The following SLC2A9 variants were observed in gnomAD, a reference collection of about 807,000 sequenced individuals.
SLC2A9 encodes solute carrier family 2, facilitated glucose transporter member 9.
In SLC2A9, 39 loss-of-function variants were observed where a neutral mutation model predicts 50.6. That is an observed-to-expected ratio of 0.77 (90% CI 0.60 to 1.01). The LOEUF (loss-of-function observed/expected upper bound fraction) is 1.01, where lower values mean the gene tolerates loss of function less well. SLC2A9 is among the 50% of genes least tolerant of loss of function. SLC2A9 has a pLI of 0.00. For synonymous variants in SLC2A9, 324 were observed against 276.9 expected, an observed-to-expected ratio of 1.17 and a Z score of -1.69; for missense variants, 686 against 677.6, an observed-to-expected ratio of 1.01 and a Z score of -0.14.
At chr4:9,822,258 T>C (rs148539010), downstream of SLC2A9, among the ~76,000 whole-genome samples, 2 of 152,222 alleles carry the variant, frequency 1.3e-5, no homozygotes, top group Non-Finnish European at 2.9e-5. Context: ...TCTTATCTTG[T>C]CCTGTTTTTG....
At chr4:9,933,349 G>T (rs1040455162) in intron 6 of SLC2A9, among the ~76,000 whole-genome samples, 1 of 152,198 alleles carries the variant, frequency 6.6e-6, no homozygotes, top group Non-Finnish European at 1.5e-5. Context: ...GCTGAGCTGG[G>T]ACTGAGCCCT....
intron 11 of SLC2A9, among the ~76,000 whole-genome samples, chr4:9,830,444 G>C (rs1310043175): frequency 1.3e-5 from 2 of 152,202 alleles, no homozygotes; most frequent in African/African-American, 4.8e-5. Flanking sequence ...TGGTTGATCT[G>C]TGTAGCAAAC....
intron 10 of SLC2A9, among the ~76,000 whole-genome samples, chr4:9,877,837 A>C (rs1212934299): frequency 2.0e-5 from 3 of 152,198 alleles, no homozygotes; most frequent in African/African-American, 7.2e-5. Context: ...TGCTGGACAC[A>C]GCCTTTACCC....
chr4:9,979,022 A>T (rs1755265826), intron 5 of SLC2A9, among the ~76,000 whole-genome samples: 1 of 152,234 alleles, frequency 6.6e-6, no homozygotes. Flanking sequence ...GAGGCTCAGT[A>T]GCTGGGACAG....
At chr4:9,927,744 A>G (rs892805672) in intron 6 of SLC2A9, among the ~76,000 whole-genome samples, 1 of 152,136 alleles carries the variant, frequency 6.6e-6, no homozygotes, top group African/African-American at 2.4e-5. Context: ...TGGAGCTCCT[A>G]TTTATAGCTT....
At chr4:10,000,273 T>C (rs1759545440) in intron 2 of SLC2A9, among the ~76,000 whole-genome samples, 1 of 152,154 alleles carries the variant, frequency 6.6e-6, no homozygotes. Flanking sequence ...ATGTGCTGAG[T>C]ACTGGGCCCT....
intron 5 of SLC2A9, among the ~76,000 whole-genome samples, chr4:9,949,185 T>C (rs1749748630): frequency 6.6e-6 from 1 of 152,156 alleles, no homozygotes. Flanking sequence ...TGTGTTTCCC[T>C]ATAGACGGAG....
chr4:9,944,779 G>A (rs1342307871), intron 5 of SLC2A9, among the ~76,000 whole-genome samples: 1 of 152,200 alleles, frequency 6.6e-6, no homozygotes, highest in Non-Finnish European at 1.5e-5. Context: ...ATTTCCTGGA[G>A]ATATTAGCTG....
At chr4:9,932,128 A>ACT (rs931520751) in intron 6 of SLC2A9, among the ~76,000 whole-genome samples, 22 of 147,780 alleles carry the variant, frequency 1.5e-4, no homozygotes, top group Non-Finnish European at 2.5e-4. Flanking sequence ...TAAAAATGGC[A>ACT]CTCTCTCTCT....
intron 3 of SLC2A9, among the ~76,000 whole-genome samples, chr4:9,793,801 G>A (rs530652659): frequency 6.6e-6 from 1 of 152,194 alleles, no homozygotes; most frequent in African/African-American, 2.4e-5. Context: ...AAATTCAAAG[G>A]TGCCAGGCCT....
In SLC2A9 at chr4:9,960,343, A is replaced by T. The variant is rs1752068510; in HGVS notation, c.682-18298T>A. Among the ~76,000 whole-genome samples, 3 of 152,360 alleles carry T rather than the reference A, an allele frequency of 2.0e-5. No homozygotes were observed. The South Asian group carries it at 6.2e-4, about 32-fold the overall frequency. On this transcript the variant is annotated intron_variant, in intron 5 of 11. Transcript: ENST00000264784. ...AGCCCCAGGTATCACCCTCTATACA[A>T]GTAAGTTAATACAAAATGCTGCCTA...
At chr4:9,932,761 T>C (rs1469204324) in intron 6 of SLC2A9, among the ~76,000 whole-genome samples, 1 of 152,232 alleles carries the variant, frequency 6.6e-6, no homozygotes, top group Non-Finnish European at 1.5e-5. Flanking sequence ...ACCACCCTTT[T>C]AGAACTCTTC....
chr4:10,026,978 A>C (rs10002608), intron 1 of SLC2A9, among the ~76,000 whole-genome samples: 21,660 of 151,918 alleles, frequency 0.14, 2,723 homozygotes, highest in African/African-American at 0.34. Flanking sequence ...CAGGAGGCAG[A>C]GGTTGCAGTG....
At chr4:10,026,991 C>G (rs1763775718) in intron 1 of SLC2A9, among the ~76,000 whole-genome samples, 1 of 151,948 alleles carries the variant, frequency 6.6e-6, no homozygotes, top group Non-Finnish European at 1.5e-5. Flanking sequence ...TTGCAGTGGG[C>G]TGAGATCTCG....
intron 7 of SLC2A9, among the ~76,000 whole-genome samples, chr4:9,919,045 TA>T (rs111594973): frequency 1.0e-3 from 158 of 152,286 alleles, no homozygotes; most frequent in African/African-American, 3.7e-3. Context: ...GAATTCTGTT[TA>T]GAACTGATGG....
intron 10 of SLC2A9, among the ~76,000 whole-genome samples, chr4:9,887,139 C>T (rs1736414171): frequency 6.6e-6 from 1 of 152,226 alleles, no homozygotes; most frequent in Non-Finnish European, 1.5e-5. Context: ...TGAGCTCACA[C>T]AGGTCAAGTT....
At chr4:9,938,943 G>A (rs554460222) in intron 6 of SLC2A9, among the ~76,000 whole-genome samples, 11 of 152,258 alleles carry the variant, frequency 7.2e-5, no homozygotes, top group East Asian at 5.8e-4. Flanking sequence ...GGAACATCCC[G>A]AAAGGGGCCT....
Position 9,772,151 on chromosome 4 carries a change from T to C in SLC2A9, n.182-782A>G, listed in dbSNP as rs183053507. Among the ~76,000 whole-genome samples the C allele has an allele frequency of 2.4e-3, 361 of 152,072 alleles. 4 individuals carry two copies. The highest frequency in any genetic ancestry group is 8.5e-4 in the Non-Finnish European group (58 of 67,978). ...GTGGTAGAATGTTGGATGGAGGAGA[T>C]AGGAGTGGGGGTGAAGACATCAGCA... is the stretch of plus-strand genomic sequence containing the variant. On this transcript the variant is annotated intron_variant and non_coding_transcript_variant, in intron 1 of 1. Transcript: ENST00000508585.
intron 11 of SLC2A9, among the ~76,000 whole-genome samples, chr4:9,829,039 G>C (rs1246836248): frequency 6.6e-6 from 1 of 152,144 alleles, no homozygotes; most frequent in East Asian, 1.9e-4. Context: ...CTCTTGCTTG[G>C]CTTTCTTTTC....
Sources: gnomAD v4.1 joint callset for allele counts (sites outside exome capture counted in the v4.1 genomes callset) on GRCh38, gnomAD v4.1.1 for gene constraint, MANE v1.5 for transcripts, NCBI Gene and HGNC (gene_info 2026-07-23, HGNC 2026-07-21) for gene names.